AMBRA1: variants seen among roughly 807,000 people sequenced by gnomAD.
The protein encoded by AMBRA1 is activating molecule in BECN1-regulated autophagy protein 1.
A neutral mutation model predicts 125.4 loss-of-function variants in AMBRA1; 47 were observed. The observed-to-expected ratio is 0.37, with a 90% CI of 0.30 to 0.48. The LOEUF is 0.48. AMBRA1 is among the 20% of genes least tolerant of loss of function. The pLI is 0.99. For missense variants in AMBRA1, 1,331 were observed against 1,693.4 expected (o/e 0.79, Z 3.76); for synonymous variants, 626 against 655.5 (o/e 0.95, Z 0.69).
At chr11:46,460,098 A>C (rs1474524882) in intron 11 of AMBRA1, among the ~76,000 whole-genome samples, 1 of 152,258 alleles carries the variant, frequency 6.6e-6, no homozygotes, top group Non-Finnish European at 1.5e-5. Context: ...TAGAGAAGAC[A>C]CCACATGTGT....
intron 11 of AMBRA1, among the ~76,000 whole-genome samples, chr11:46,461,896 A>G (rs1047173588): frequency 6.6e-6 from 1 of 152,218 alleles, no homozygotes; most frequent in Non-Finnish European, 1.5e-5. Context: ...TTTCTCTTCA[A>G]TGCCATCTTG....
intron 1 of AMBRA1, 110 bp downstream of exon 1, chr11:46,593,718 G>C: frequency 2.6e-6 from 1 of 378,592 alleles, no homozygotes; most frequent in Non-Finnish European, 4.7e-6. Context: ...CCCCTCCTCT[G>C]GCAGTGTCAC....
chr11:46,403,120 T>C (rs1590709381), intron 17 of AMBRA1, among the ~76,000 whole-genome samples: 1 of 152,232 alleles, frequency 6.6e-6, no homozygotes, highest in Non-Finnish European at 1.5e-5. Context: ...GTCTCTTCCT[T>C]GGCAAGTCCT....
At chr11:46,568,452 C>CAAAAACAAAAAACA (rs1191233437) in intron 1 of AMBRA1, among the ~76,000 whole-genome samples, 1 of 150,532 alleles carries the variant, frequency 6.6e-6, no homozygotes, top group African/African-American at 2.4e-5. Flanking sequence ...GAGAGAAACT[C>CAAAAACAAAAAACA]AAAAACAAAA....
chr11:46,548,722 G>A (rs2042898915), intron 1 of AMBRA1, among the ~76,000 whole-genome samples: 1 of 152,214 alleles, frequency 6.6e-6, no homozygotes, highest in Admixed American at 6.5e-5. Context: ...GCCAAGCACA[G>A]TGGCTCACGC....
At chr11:46,397,997 G>C in intron 17 of AMBRA1, 54 bp from the exon 18 acceptor site, 1 of 1,528,494 alleles carries the variant, frequency 6.5e-7, no homozygotes, top group Admixed American at 1.9e-5. Flanking sequence ...CTGGGCCTCT[G>C]AGGCAGGTGG....
At chr11:46,578,808 G>C (rs2044059661) in intron 1 of AMBRA1, among the ~76,000 whole-genome samples, 1 of 148,578 alleles carries the variant, frequency 6.7e-6, no homozygotes, top group African/African-American at 2.5e-5. Flanking sequence ...GTGAACCCGG[G>C]AGGTGGAGCT....
At chr11:46,557,799 C>G (rs1249469293) in intron 1 of AMBRA1, among the ~76,000 whole-genome samples, 2 of 152,140 alleles carry the variant, frequency 1.3e-5, no homozygotes, top group African/African-American at 4.8e-5. Context: ...CAGAGCAAGG[C>G]CCTGACTCAA....
At chr11:46,463,636 G>A (rs1304690631) in intron 11 of AMBRA1, among the ~76,000 whole-genome samples, 2 of 152,166 alleles carry the variant, frequency 1.3e-5, no homozygotes, top group African/African-American at 2.4e-5. Context: ...GCTTTGAGAA[G>A]ATACCCACTC....
chr11:46,558,346 C>T (rs953260148), intron 1 of AMBRA1, among the ~76,000 whole-genome samples: 13 of 151,884 alleles, frequency 8.6e-5, no homozygotes, highest in African/African-American at 1.9e-4. Context: ...GTCAGGAGTG[C>T]GAGACCAGCC....
chr11:46,474,338 A>C lies in AMBRA1; in HGVS notation c.2521+19270T>G, dbSNP rs370213779. On this transcript the variant is annotated intron_variant, in intron 11 of 17. Transcript: ENST00000683756. The stretch of plus-strand genomic sequence containing the variant: ...AATTATTATCAGGTATATGATCAAT[A>C]CGAACAGGTCTATTCATATACTTCT... Among the ~76,000 whole-genome samples, 84 of 152,342 alleles carry C rather than the reference A, an allele frequency of 5.5e-4. No individual in the cohort carries two copies. In the South Asian group the frequency reaches 0.017, roughly 30 times the overall value.
chr11:46,439,944 A>G (rs1462445408), intron 12 of AMBRA1, among the ~76,000 whole-genome samples: 2 of 152,140 alleles, frequency 1.3e-5, no homozygotes, highest in African/African-American at 4.8e-5. Flanking sequence ...AGATTTGCAA[A>G]TATCCAAAAA....
chr11:46,586,618 CTTTAT>C (rs1565328875), intron 1 of AMBRA1, among the ~76,000 whole-genome samples: 1 of 152,078 alleles, frequency 6.6e-6, no homozygotes, highest in African/African-American at 2.4e-5. Context: ...TTTTGGAAAA[CTTTAT>C]TTTGTTATAA....
At chr11:46,398,435 C>T (rs74866322) in intron 17 of AMBRA1, among the ~76,000 whole-genome samples, 6,557 of 152,224 alleles carry the variant, frequency 0.043, 467 homozygotes, top group African/African-American at 0.15. Flanking sequence ...CTTCCTTCAG[C>T]GTAGTTTTGT....
intron 17 of AMBRA1, among the ~76,000 whole-genome samples, chr11:46,405,004 G>A (rs1318350014): frequency 6.6e-6 from 1 of 152,200 alleles, no homozygotes; most frequent in Admixed American, 6.5e-5. Context: ...CCCAGTCCCA[G>A]TAACTTGCCT....
intron 12 of AMBRA1, among the ~76,000 whole-genome samples, chr11:46,440,680 T>C (rs1947960800): frequency 1.3e-5 from 2 of 152,032 alleles, no homozygotes; most frequent in Admixed American, 1.3e-4. Context: ...AAAATGTGGA[T>C]TGTGGTTAAT....
intron 5 of AMBRA1, among the ~76,000 whole-genome samples, chr11:46,545,318 C>T (rs918538152): frequency 6.6e-6 from 1 of 151,606 alleles, no homozygotes; most frequent in Non-Finnish European, 1.5e-5. Flanking sequence ...AAAAATGAGC[C>T]GGGCATGGTG....
At chr11:46,445,512 C>T (rs950339585) in intron 11 of AMBRA1, among the ~76,000 whole-genome samples, 11 of 152,258 alleles carry the variant, frequency 7.2e-5, no homozygotes, top group African/African-American at 2.6e-4. Flanking sequence ...TGCTGAACCT[C>T]TGGGTCATGA....
intron 14 of AMBRA1, among the ~76,000 whole-genome samples, chr11:46,421,529 A>G (rs547497820): frequency 5.3e-5 from 8 of 152,214 alleles, no homozygotes; most frequent in Admixed American, 1.3e-4. Context: ...ACTGATCCAT[A>G]GGCTGAGAGG....
Sources: gnomAD v4.1 joint callset for allele counts (sites outside exome capture counted in the v4.1 genomes callset) on GRCh38, gnomAD v4.1.1 for gene constraint, MANE v1.5 for transcripts, NCBI Gene and HGNC (gene_info 2026-07-23, HGNC 2026-07-21) for gene names.